The following TBC1D12 variants were observed in gnomAD, a reference collection of about 807,000 sequenced individuals.
TBC1D12 encodes TBC1 domain family, member 12.
In TBC1D12, 56 loss-of-function variants were observed where a neutral mutation model predicts 86.7. The observed-to-expected ratio is 0.65, with a 90% CI of 0.52 to 0.81. TBC1D12 has a LOEUF of 0.81. Among genes scored for constraint, TBC1D12 ranks in the 30% least tolerant of loss-of-function variants. The pLI is 0.00. For missense variants in TBC1D12, 1,023 were observed against 1,038.8 expected (o/e 0.98, Z 0.21); for synonymous variants, 421 against 411.7 (o/e 1.02, Z -0.27).
At chr10:94,471,493 T>C (rs1056913353) in intron 2 of TBC1D12, among the ~76,000 whole-genome samples, 1 of 152,216 alleles carries the variant, frequency 6.6e-6, no homozygotes, top group African/African-American at 2.4e-5. Flanking sequence ...CCCTGTAATT[T>C]AACCCACACC....
intron 9 of TBC1D12, among the ~76,000 whole-genome samples, chr10:94,516,769 G>A (rs971995419): frequency 1.3e-5 from 2 of 152,000 alleles, no homozygotes; most frequent in Non-Finnish European, 2.9e-5. Context: ...ACAGAAGACT[G>A]TTAACTACTT....
chr10:94,466,229 C>G (rs1414389945), intron 2 of TBC1D12, among the ~76,000 whole-genome samples: 1 of 151,928 alleles, frequency 6.6e-6, no homozygotes, highest in Admixed American at 6.6e-5. Context: ...TTTACATTTG[C>G]CAGTATATTT....
Position 94,497,088 on chromosome 10 carries a change from T to C in TBC1D12, c.1328T>C (p.Met443Thr), listed in dbSNP as rs1589658447. 1 of 1,569,394 alleles carries C rather than the reference T, an allele frequency of 6.4e-7. No homozygotes were observed. The highest frequency in any genetic ancestry group is 8.6e-7 in the Non-Finnish European group (1 of 1,164,788). ...IKEAHKRKRIMKERFKQEENI... is the reference protein window; with the variant it reads ...IKEAHKRKRITKERFKQEENI... ...GAAGCACATAAAAGAAAAAGAATCA[T>C]GAAAGAACGATTTAAGCAGGAAGAA... is the stretch of plus-strand genomic sequence containing the variant. Residue 443 changes from methionine (M) to threonine (T), a missense_variant, in exon 5 of 13, where the codon ATG becomes ACG. Physicochemically the swap from Met to Thr is moderately conservative, Grantham distance 81. This residue lies in a region of TBC1D12 where 395 missense variants were observed against 507.7 expected (regional missense o/e 0.78). Transcript: ENST00000225235.
chr10:94,526,742 T>A (rs981827465), intron 11 of TBC1D12, among the ~76,000 whole-genome samples: 10 of 152,212 alleles, frequency 6.6e-5, no homozygotes, highest in Admixed American at 5.2e-4. Context: ...TTCCTTTGGG[T>A]ATATACCCAG....
chr10:94,421,717 C>G (rs1170779711), intron 1 of TBC1D12, among the ~76,000 whole-genome samples: 1 of 152,170 alleles, frequency 6.6e-6, no homozygotes, highest in Non-Finnish European at 1.5e-5. Context: ...AAAATTACAG[C>G]CATCCTAATG....
rs113999283 is a variant in TBC1D12, at chr10:94,409,664, C to T, written c.971+6080C>T. Among the ~76,000 whole-genome samples, 1,162 of 152,198 alleles carry T rather than the reference C, an allele frequency of 7.6e-3. 16 individuals carry two copies. The highest frequency in any genetic ancestry group is 0.027 in the African/African-American group (1,111 of 41,522). On this transcript the variant is annotated intron_variant, in intron 1 of 12. Coordinates refer to ENST00000225235, the MANE Select transcript of TBC1D12 (RefSeq NM_015188.2). Reference sequence around the variant, plus strand: ...GTGCTAGGATTATAGGCATGAGCTACGCATCTGGCCAAATTAACATTTTTT... The same window carrying T: ...GTGCTAGGATTATAGGCATGAGCTATGCATCTGGCCAAATTAACATTTTTT...
chr10:94,415,287 A>T (rs997269454), intron 1 of TBC1D12, among the ~76,000 whole-genome samples: 21 of 152,240 alleles, frequency 1.4e-4, no homozygotes, highest in Non-Finnish European at 2.1e-4. Context: ...TTGTACTTAC[A>T]TAAGCCTTAA....
At chr10:94,440,255 A>C (rs2055360269) in intron 1 of TBC1D12, among the ~76,000 whole-genome samples, 1 of 151,722 alleles carries the variant, frequency 6.6e-6, no homozygotes, top group African/African-American at 2.4e-5. Context: ...CTGCATCCTT[A>C]ACTCCTGGGC....
intron 2 of TBC1D12, among the ~76,000 whole-genome samples, chr10:94,458,041 A>G (rs1195515693): frequency 6.6e-6 from 1 of 152,122 alleles, no homozygotes; most frequent in Non-Finnish European, 1.5e-5. Context: ...TGATGTTATT[A>G]TTTTGAGTAA....
At chr10:94,492,406 C>A (rs1023828244) in intron 3 of TBC1D12, among the ~76,000 whole-genome samples, 1 of 152,152 alleles carries the variant, frequency 6.6e-6, no homozygotes, top group African/African-American at 2.4e-5. Flanking sequence ...TCCACACTTA[C>A]TATATAACCC....
intron 4 of TBC1D12, 150 bp from the exon 5 acceptor site, chr10:94,496,905 T>C (rs946689248): frequency 9.9e-6 from 4 of 402,080 alleles, no homozygotes; most frequent in African/African-American, 8.5e-5. Context: ...CCTCCCTTTC[T>C]TTCCCTGTCC....
At chr10:94,486,841 A>G (rs2056169838) in intron 3 of TBC1D12, among the ~76,000 whole-genome samples, 1 of 152,204 alleles carries the variant, frequency 6.6e-6, no homozygotes, top group African/African-American at 2.4e-5. Flanking sequence ...TCTATAGAGC[A>G]AATTAAGTCC....
At chr10:94,489,436 A>G (rs1381237123) in intron 3 of TBC1D12, among the ~76,000 whole-genome samples, 1 of 152,154 alleles carries the variant, frequency 6.6e-6, no homozygotes, top group African/African-American at 2.4e-5. Flanking sequence ...ACCCTCTGCA[A>G]TGCCTCTTTC....
intron 1 of TBC1D12, among the ~76,000 whole-genome samples, chr10:94,438,283 A>G (rs1412659276): frequency 6.6e-6 from 1 of 151,670 alleles, no homozygotes; most frequent in East Asian, 1.9e-4. Flanking sequence ...ATTTTCACAA[A>G]GTATGTATTC....
intron 2 of TBC1D12, among the ~76,000 whole-genome samples, chr10:94,453,960 T>C (rs1174601934): frequency 6.6e-6 from 1 of 152,236 alleles, no homozygotes; most frequent in Non-Finnish European, 1.5e-5. Flanking sequence ...CTCTGTTCTG[T>C]TCCATTGATC....
At chr10:94,464,476 CT>C (rs1444840324) in intron 2 of TBC1D12, among the ~76,000 whole-genome samples, 1 of 151,810 alleles carries the variant, frequency 6.6e-6, no homozygotes, top group Non-Finnish European at 1.5e-5. Context: ...ATTCTTTTTT[CT>C]TTTTTTGAGA....
chr10:94,468,520 C>G (rs547196007), intron 2 of TBC1D12, among the ~76,000 whole-genome samples: 1 of 151,954 alleles, frequency 6.6e-6, no homozygotes, highest in East Asian at 1.9e-4. Context: ...TTTCTATTGT[C>G]TTTTGACTGG....
At chr10:94,493,096 T>C (rs917942889) in intron 3 of TBC1D12, among the ~76,000 whole-genome samples, 2 of 151,974 alleles carry the variant, frequency 1.3e-5, no homozygotes, top group Non-Finnish European at 2.9e-5. Flanking sequence ...CATCTCTATT[T>C]TTTTAATCTG....
chr10:94,453,031 T>C (rs536530984), intron 2 of TBC1D12, among the ~76,000 whole-genome samples: 95 of 152,326 alleles, frequency 6.2e-4, no homozygotes, highest in African/African-American at 2.2e-3. Flanking sequence ...TAATGACATA[T>C]GATGTTGAAC....
Sources: allele counts gnomAD v4.1 joint callset (sites outside exome capture counted in the v4.1 genomes callset), GRCh38; gene constraint gnomAD v4.1.1; regional missense constraint gnomAD v4.1.1; transcripts MANE v1.5; gene names NCBI Gene and HGNC (gene_info 2026-07-23, HGNC 2026-07-21).